The following CREBL2 variants were observed in gnomAD, a reference collection of about 807,000 sequenced individuals.
CREBL2 encodes the protein cAMP-responsive element-binding protein-like 2.
CREBL2 carries 4 observed loss-of-function variants against 19.5 expected under a neutral mutation model. The observed-to-expected ratio is 0.20, with a 90% CI of 0.10 to 0.47. CREBL2 has a LOEUF of 0.47. CREBL2 is among the 20% of genes least tolerant of loss of function. The pLI is 0.98. For synonymous variants in CREBL2, 42 were observed against 46.6 expected (o/e 0.90, Z 0.40); for missense variants, 85 against 145.1 (o/e 0.59, Z 2.13).
intron 1 of CREBL2, among the ~76,000 whole-genome samples, chr12:12,617,570 T>C (rs1381699192): frequency 2.0e-5 from 3 of 149,792 alleles, no homozygotes; most frequent in African/African-American, 7.3e-5. Context: ...TTATCATTAT[T>C]ATATTACCTA....
chr12:12,626,316 T>C (rs1432718041), intron 1 of CREBL2, among the ~76,000 whole-genome samples: 1 of 152,210 alleles, frequency 6.6e-6, no homozygotes, highest in African/African-American at 2.4e-5. Flanking sequence ...CTGATTTCTG[T>C]TTTGTCTTTC....
intron 1 of CREBL2, among the ~76,000 whole-genome samples, chr12:12,619,191 CA>C (rs1483714007): frequency 1.3e-5 from 2 of 152,262 alleles, no homozygotes; most frequent in South Asian, 2.1e-4. Flanking sequence ...CCAGATGGGA[CA>C]GGGGCAGTGG....
intron 1 of CREBL2, among the ~76,000 whole-genome samples, chr12:12,618,515 C>G (rs1171178506): frequency 1.3e-5 from 2 of 151,344 alleles, no homozygotes; most frequent in Non-Finnish European, 2.9e-5. Context: ...GACGGGATGG[C>G]GGCCGGGAAG....
In CREBL2 at chr12:12,635,939, A is replaced by G. The variant is rs1193275967; in HGVS notation, c.178A>G (p.Arg60Gly). 1.9e-6 allele frequency: 3 copies of G among 1,614,102 alleles called. No individual in the cohort carries two copies. Among genetic ancestry groups the G allele is most frequent in the Admixed American group, 1.7e-5 (1 of 60,016 alleles). Residue 60 changes from arginine (R) to glycine (G), a missense_variant, in exon 2 of 4, where the codon AGA becomes GGA. Physicochemically the swap from Arg to Gly is moderately radical, Grantham distance 125. Around this residue, in one of 5 missense-constraint regions of CREBL2, gnomAD observed 22 missense variants for 46.7 expected, o/e 0.47. Transcript: ENST00000228865. ...YLEELVSSRE[R>G]AICALREELE... ...GGAAGAGTTGGTATCCAGTCGAGAA[A>G]GAGCTATATGTGCCCTCAGAGAGGA... is the stretch of plus-strand genomic sequence containing the variant.
At chr12:12,641,253 A>ATTATTTTTTT (rs1478394376) in intron 3 of CREBL2, among the ~76,000 whole-genome samples, 8 of 78,240 alleles carry the variant, frequency 1.0e-4, no homozygotes, top group African/African-American at 1.9e-4. Context: ...TATTATTATT[A>ATTATTTTTTT]TTTTTTTTTA....
At chr12:12,616,402 T>C (rs1945311883) in intron 1 of CREBL2, among the ~76,000 whole-genome samples, 1 of 152,252 alleles carries the variant, frequency 6.6e-6, no homozygotes, top group Non-Finnish European at 1.5e-5. Context: ...GTAAGCACAG[T>C]GAATTTGATT....
intron 1 of CREBL2, among the ~76,000 whole-genome samples, chr12:12,629,103 C>T (rs1256226184): frequency 4.6e-5 from 7 of 152,104 alleles, no homozygotes; most frequent in Non-Finnish European, 1.0e-4. Flanking sequence ...TATTCTGGGT[C>T]CCTCGTATTT....
chr12:12,615,771 C>G (rs1321156411), intron 1 of CREBL2: 1 of 152,380 alleles, frequency 6.6e-6, no homozygotes, highest in Non-Finnish European at 1.5e-5. Context: ...GGATTACAGG[C>G]ATGAGCCACC....
At chr12:12,625,069 T>C (rs1945391290) in intron 1 of CREBL2, among the ~76,000 whole-genome samples, 1 of 151,964 alleles carries the variant, frequency 6.6e-6, no homozygotes, top group Admixed American at 6.6e-5. Context: ...TAGTCTCGTC[T>C]ACCAGTCTCG....
At chr12:12,622,459 A>G (rs1297353325) in intron 1 of CREBL2, among the ~76,000 whole-genome samples, 1 of 152,240 alleles carries the variant, frequency 6.6e-6, no homozygotes, top group Non-Finnish European at 1.5e-5. Context: ...TAAGAGAACC[A>G]GAAGACAGGG....
intron 3 of CREBL2, 53 bp from the exon 4 acceptor site, chr12:12,641,941 C>T: frequency 7.4e-7 from 1 of 1,347,016 alleles, no homozygotes; most frequent in Admixed American, 2.0e-5. Flanking sequence ...ACAGATTAAT[C>T]AAACTTTATT....
intron 1 of CREBL2, among the ~76,000 whole-genome samples, chr12:12,621,611 A>G (rs1187306647): frequency 3.3e-5 from 5 of 152,166 alleles, no homozygotes; most frequent in Non-Finnish European, 7.3e-5. Context: ...TACAGCGTAA[A>G]GCAGAAGTAG....
chr12:12,633,414 G>A (rs1186910899), intron 1 of CREBL2, among the ~76,000 whole-genome samples: 2 of 152,052 alleles, frequency 1.3e-5, no homozygotes, highest in Non-Finnish European at 2.9e-5. Context: ...CAGCCTGGGC[G>A]ACAAGAGTAA....
rs1232416184 is a variant in CREBL2, at chr12:12,642,481, T to C, written c.*483T>C. 6.5e-6 allele frequency: 1 copy of C among 152,970 alleles called. No individual in the cohort carries two copies. Among genetic ancestry groups the C allele is most frequent in the Non-Finnish European group, 1.5e-5 (1 of 68,280 alleles). 9.5% of individuals were successfully genotyped at this position (152,970 alleles called of 1,614,324 possible). Reference sequence around the variant, plus strand: ...TTCTCAGCCTTTATGGACCTAATCTTATTTTTATTTACTTGAGTAATGTTT... The same window carrying C: ...TTCTCAGCCTTTATGGACCTAATCTCATTTTTATTTACTTGAGTAATGTTT... On this transcript the variant is annotated 3_prime_UTR_variant, in exon 4 of 4. Transcript: ENST00000228865.
intron 1 of CREBL2, chr12:12,614,412 T>G (rs1945292401): frequency 6.5e-6 from 1 of 153,848 alleles, no homozygotes; most frequent in African/African-American, 2.4e-5. Context: ...TGTTTTCCAC[T>G]GGTGGAGTAG....
chr12:12,633,222 C>T (rs1257205358), intron 1 of CREBL2, among the ~76,000 whole-genome samples: 2 of 152,132 alleles, frequency 1.3e-5, no homozygotes, highest in African/African-American at 4.8e-5. Flanking sequence ...CAGGTGTGAG[C>T]CACCACACCC....
chr12:12,619,063 G>A (rs571803281), intron 1 of CREBL2, among the ~76,000 whole-genome samples: 2 of 152,042 alleles, frequency 1.3e-5, no homozygotes, highest in Non-Finnish European at 2.9e-5. Context: ...AGGGAGAGGA[G>A]GGAGAGGGAG....
intron 1 of CREBL2, among the ~76,000 whole-genome samples, chr12:12,619,176 A>G (rs1270038944): frequency 2.0e-5 from 3 of 152,158 alleles, no homozygotes; most frequent in Non-Finnish European, 4.4e-5. Flanking sequence ...GCTCCAGACT[A>G]TGCTCCAGAT....
chr12:12,638,022 G>C (rs570785242), intron 3 of CREBL2, among the ~76,000 whole-genome samples: 3 of 151,944 alleles, frequency 2.0e-5, no homozygotes, highest in Admixed American at 6.6e-5. Flanking sequence ...CAAAAGGGGG[G>C]AACAAAAAGA....
Sources: gnomAD v4.1 joint callset for allele counts (sites outside exome capture counted in the v4.1 genomes callset) on GRCh38, gnomAD v4.1.1 for gene constraint, gnomAD v4.1.1 regional missense constraint, MANE v1.5 for transcripts, NCBI Gene and HGNC (gene_info 2026-07-23, HGNC 2026-07-21) for gene names.